Variants in ARHGEF9 observed in about 807,000 individuals in gnomAD.
ARHGEF9 encodes the protein Cdc42 guanine nucleotide exchange factor 9, also known as rho guanine nucleotide exchange factor 9.
A neutral mutation model predicts 41.3 loss-of-function variants in ARHGEF9; 2 were observed. The ratio of observed to expected loss-of-function variants is 0.05; its 90% CI spans 0.02 to 0.15. ARHGEF9 has a LOEUF of 0.15. ARHGEF9 is among the 10% of genes least tolerant of loss of function. The probability of loss-of-function intolerance (pLI) is 1.00; values close to 1 mark genes in which losing one functional copy is unlikely to be tolerated. For missense variants in ARHGEF9, 225 were observed against 424.7 expected, an observed-to-expected ratio of 0.53 and a Z score of 4.13; for synonymous variants, 160 against 154.4, an observed-to-expected ratio of 1.04 and a Z score of -0.27.
intron 8 of ARHGEF9, among the ~76,000 whole-genome samples, chrX:63,646,937 T>C (rs1300105690): frequency 1.8e-5 from 2 of 111,163 alleles, no homozygotes; most frequent in Non-Finnish European, 3.8e-5. Context: ...CCTTGAAGAG[T>C]TCCTTCACGT....
Position 63,635,628 on chromosome X carries a change from T to G in ARHGEF9, c.*2400A>C, listed in dbSNP as rs2047281720. The G allele has an allele frequency of 2.6e-6, 1 of 378,154 alleles. No homozygotes were observed. Among genetic ancestry groups the G allele is most frequent in the Non-Finnish European group, 4.5e-6 (1 of 220,541 alleles). 31.2% of individuals were successfully genotyped at this position (378,154 alleles called of 1,213,427 possible). A position where few individuals can be genotyped will look rare whatever the true frequency, so the allele number is the denominator to read the frequency against. On this transcript the variant is annotated 3_prime_UTR_variant, in exon 10 of 10. Coordinates refer to ENST00000671741, the MANE Select transcript of ARHGEF9 (RefSeq NM_001353921.2). Reference sequence around the variant, plus strand: ...AATTAGTGGCATCAGGTGATGCCAGTGGGTTCAGTAGAGGAGAAGTGCGGG... The same window carrying G: ...AATTAGTGGCATCAGGTGATGCCAGGGGGTTCAGTAGAGGAGAAGTGCGGG...
At chrX:63,686,695 G>C (rs1252713573) in intron 4 of ARHGEF9, among the ~76,000 whole-genome samples, 11 of 110,737 alleles carry the variant, frequency 9.9e-5, no homozygotes, top group Non-Finnish European at 1.5e-4. Flanking sequence ...CACCAAAATA[G>C]CACAGTATAT....
intron 4 of ARHGEF9, among the ~76,000 whole-genome samples, chrX:63,687,585 G>A (rs782339900): frequency 6.1e-4 from 68 of 111,048 alleles, no homozygotes; most frequent in Admixed American, 1.2e-3. Flanking sequence ...ATGCAGAATA[G>A]CAATTTTCAG....
intron 1 of ARHGEF9, among the ~76,000 whole-genome samples, chrX:63,740,761 G>A (rs2054905584): frequency 8.9e-6 from 1 of 111,761 alleles, no homozygotes; most frequent in African/African-American, 3.3e-5. Context: ...CCAATCTAGG[G>A]CCCTGTCTTT....
intron 1 of ARHGEF9, among the ~76,000 whole-genome samples, chrX:63,733,395 C>T (rs782500671): frequency 1.8e-5 from 2 of 112,051 alleles, no homozygotes; most frequent in Non-Finnish European, 3.8e-5. Context: ...GGGAAAGAGG[C>T]AGAGATAGAT....
intron 9 of ARHGEF9, chrX:63,643,052 G>C (rs1236954526): frequency 1.8e-5 from 2 of 111,986 alleles, no homozygotes; most frequent in African/African-American, 6.5e-5. Flanking sequence ...AAGATGAAAT[G>C]AAATAACATA....
chrX:63,645,661 C>G (rs1316899054), intron 8 of ARHGEF9, among the ~76,000 whole-genome samples: 2 of 111,852 alleles, frequency 1.8e-5, no homozygotes, highest in African/African-American at 6.5e-5. Context: ...CAAGTCTTTG[C>G]TATTGTGAAT....
rs782409579 is a variant in ARHGEF9 at position 63,752,875 on chromosome X, G to C, written c.31-28164C>G. On this transcript the variant is annotated intron_variant, in intron 1 of 9. Coordinates refer to ENST00000671741, the MANE Select transcript of ARHGEF9 (RefSeq NM_001353921.2). ...GCCAGCAGATTTGCACATCAGACAT[G>C]AACAGCCACCCACATGGGTGGAGGG... Among the ~76,000 whole-genome samples the C allele has an allele frequency of 3.6e-5, 4 of 112,045 alleles. No individual in the cohort carries two copies. The South Asian group carries it at 1.1e-3, about 31-fold the overall frequency.
chrX:63,648,021 ACT>A (rs782332049), intron 8 of ARHGEF9, among the ~76,000 whole-genome samples: 3 of 111,606 alleles, frequency 2.7e-5, no homozygotes, highest in South Asian at 3.8e-4. Flanking sequence ...GTTGGAAAAC[ACT>A]CTGCAGGATA....
chrX:63,719,857 C>T lies in ARHGEF9; in HGVS notation c.210+4675G>A, dbSNP rs2053539482. 2.7e-5 allele frequency: 8 copies of T among 291,895 alleles called. No homozygotes were observed. In the South Asian group the frequency reaches 1.3e-3, roughly 49 times the overall value. 24.1% of individuals were successfully genotyped at this position (291,895 alleles called of 1,213,427 possible). On this transcript the variant is annotated intron_variant, in intron 2 of 9. Transcript: ENST00000671741. Reference sequence around the variant, plus strand: ...GAGAGGCTTTCCAGGCTGTGGCTGCCTTTGTTGAAAGATTTAAAGACATAC... The same window carrying T: ...GAGAGGCTTTCCAGGCTGTGGCTGCTTTTGTTGAAAGATTTAAAGACATAC...
At chrX:63,645,475 G>A (rs1396784491) in intron 8 of ARHGEF9, among the ~76,000 whole-genome samples, 1 of 111,097 alleles carries the variant, frequency 9.0e-6, no homozygotes, top group African/African-American at 3.3e-5. Flanking sequence ...GAGAACGTGC[G>A]GCGTTTGGTT....
chrX:63,646,995 G>C (rs1342209807), intron 8 of ARHGEF9, among the ~76,000 whole-genome samples: 9 of 111,371 alleles, frequency 8.1e-5, no homozygotes, highest in African/African-American at 2.9e-4. Context: ...TGAAGCAATT[G>C]TGAATGGGAG....
chrX:63,705,836 C>T (rs1423034142), intron 3 of ARHGEF9, among the ~76,000 whole-genome samples: 1 of 111,320 alleles, frequency 9.0e-6, no homozygotes, highest in Non-Finnish European at 1.9e-5. Context: ...CAAGCTCCCC[C>T]AGAAACTCTG....
chrX:63,750,919 G>A (rs1373171387), intron 1 of ARHGEF9, among the ~76,000 whole-genome samples: 1 of 111,402 alleles, frequency 9.0e-6, no homozygotes, highest in South Asian at 3.8e-4. Context: ...CTCCCCAAAA[G>A]CATCTCTCCA....
chrX:63,773,458 AGG>A (rs2056236891), intron 1 of ARHGEF9, among the ~76,000 whole-genome samples: 3 of 112,257 alleles, frequency 2.7e-5, no homozygotes, highest in Non-Finnish European at 5.6e-5. Context: ...CTGTCCTGTC[AGG>A]AATAATAATT....
chrX:63,669,736 A>G (rs2147284855), intron 6 of ARHGEF9, among the ~76,000 whole-genome samples: 1 of 111,603 alleles, frequency 9.0e-6, no homozygotes, highest in South Asian at 3.8e-4. Context: ...CTTAACTGTT[A>G]CTTCCTCAGG....
At chrX:63,734,674 C>T (rs185329238) in intron 1 of ARHGEF9, among the ~76,000 whole-genome samples, 2 of 111,664 alleles carry the variant, frequency 1.8e-5, no homozygotes, top group Non-Finnish European at 3.8e-5. Context: ...TGAGGAATTA[C>T]GGTGGCCTGT....
chrX:63,754,161 T>C, intron 1 of ARHGEF9: 1 of 682,961 alleles, frequency 1.5e-6, no homozygotes, highest in Non-Finnish European at 2.3e-6. Flanking sequence ...GAACGCCACA[T>C]AGATTAAAAA....
At chrX:63,705,111 T>C (rs1259078379) in intron 3 of ARHGEF9, among the ~76,000 whole-genome samples, 3 of 112,445 alleles carry the variant, frequency 2.7e-5, no homozygotes, top group African/African-American at 9.7e-5. Flanking sequence ...CCATAAATTG[T>C]TGGCTTATAG....
Sources: allele counts gnomAD v4.1 joint callset (sites outside exome capture counted in the v4.1 genomes callset), GRCh38; gene constraint gnomAD v4.1.1; transcripts MANE v1.5; gene names NCBI Gene and HGNC (gene_info 2026-07-23, HGNC 2026-07-21).